KIFAP3: variants seen among roughly 807,000 people sequenced by gnomAD.
KIFAP3 encodes kinesin-associated protein 3.
In KIFAP3, 68 loss-of-function variants were observed where a neutral mutation model predicts 106.5. The ratio of observed to expected loss-of-function variants is 0.64; its 90% CI spans 0.53 to 0.78. KIFAP3 has a LOEUF of 0.78. KIFAP3 is among the 30% of genes least tolerant of loss of function. KIFAP3 has a pLI of 0.00. For synonymous variants in KIFAP3, 320 were observed against 311.5 expected (o/e 1.03, Z -0.29); for missense variants, 780 against 941.8 (o/e 0.83, Z 2.25).
At chr1:169,965,678 T>C (rs1030310202) in intron 17 of KIFAP3, among the ~76,000 whole-genome samples, 1 of 152,022 alleles carries the variant, frequency 6.6e-6, no homozygotes, top group Non-Finnish European at 1.5e-5. Context: ...TGTAAAAATG[T>C]GTAACAAAGA....
intron 18 of KIFAP3, among the ~76,000 whole-genome samples, chr1:169,957,658 C>T (rs932842058): frequency 5.3e-5 from 8 of 151,800 alleles, no homozygotes; most frequent in African/African-American, 1.2e-4. Flanking sequence ...GATGGAGTCT[C>T]GCTTTGTTGC....
intron 9 of KIFAP3, among the ~76,000 whole-genome samples, chr1:170,017,623 G>A (rs1350100230): frequency 6.6e-6 from 1 of 152,194 alleles, no homozygotes; most frequent in Non-Finnish European, 1.5e-5. Context: ...TTTTAATGCT[G>A]TACTAAGAAG....
chr1:170,023,683 T>C (rs1668968566), intron 9 of KIFAP3, among the ~76,000 whole-genome samples: 1 of 152,086 alleles, frequency 6.6e-6, no homozygotes, highest in South Asian at 2.1e-4. Context: ...CAAAGACTTT[T>C]TAATGACATG....
At chr1:169,956,276 A>G (rs1486716746) in intron 18 of KIFAP3, among the ~76,000 whole-genome samples, 1 of 152,172 alleles carries the variant, frequency 6.6e-6, no homozygotes, top group Non-Finnish European at 1.5e-5. Flanking sequence ...AAATGAAAAG[A>G]TATGTGAATT....
chr1:170,061,536 G>T (rs1403283731), intron 1 of KIFAP3, among the ~76,000 whole-genome samples: 3 of 152,186 alleles, frequency 2.0e-5, no homozygotes, highest in Admixed American at 2.0e-4. Context: ...AGGATGTGGA[G>T]AAATAGGAAC....
At chr1:169,944,554 C>G (rs1393908703) in intron 19 of KIFAP3, among the ~76,000 whole-genome samples, 2 of 152,162 alleles carry the variant, frequency 1.3e-5, no homozygotes, top group Non-Finnish European at 2.9e-5. Context: ...TGTGTTACAG[C>G]TCTTTGAGTC....
At chr1:170,053,180 A>C (rs1445040174) in intron 2 of KIFAP3, among the ~76,000 whole-genome samples, 1 of 152,236 alleles carries the variant, frequency 6.6e-6, no homozygotes, top group East Asian at 1.9e-4. Flanking sequence ...AAAAATCACA[A>C]GCATTCCTAT....
At position 170,024,614 on chromosome 1, in the gene KIFAP3, A is replaced by G; in HGVS notation, c.842-18T>C. On this transcript the variant is annotated intron_variant, in intron 8 of 19. Coordinates refer to ENST00000361580, the MANE Select transcript of KIFAP3 (RefSeq NM_014970.4). ...AAGAGCAACTAGAAAAGTAAAATAT[A>G]TGAGAGATAAAGAATTAGTATACTG... 1 of 1,448,950 alleles carries G rather than the reference A, an allele frequency of 6.9e-7. No homozygotes were observed. The highest frequency in any genetic ancestry group is 9.3e-7 in the Non-Finnish European group (1 of 1,073,608). The allele number at this position is 1,448,950 out of a possible 1,614,324, so 89.8% of individuals were successfully genotyped here.
intron 17 of KIFAP3, among the ~76,000 whole-genome samples, chr1:169,961,831 T>C (rs1665353497): frequency 6.6e-6 from 1 of 152,196 alleles, no homozygotes; most frequent in Non-Finnish European, 1.5e-5. Flanking sequence ...ATACAGTATA[T>C]AATACATATA....
chr1:169,921,402 C>T lies in KIFAP3; in HGVS notation c.*274G>A. ...CATACATAATGCAGTGTTTGTTTTCCAGTCTAGTAGCTTTTCAGCATTCAG... is the reference window on the plus strand; with the variant it reads ...CATACATAATGCAGTGTTTGTTTTCTAGTCTAGTAGCTTTTCAGCATTCAG... On this transcript the variant is annotated 3_prime_UTR_variant, in exon 20 of 20. Transcript: ENST00000361580. 5 of 255,168 alleles carry T rather than the reference C, an allele frequency of 2.0e-5. No individual in the cohort carries two copies. The highest frequency in any genetic ancestry group is 9.8e-5 in the South Asian group (1 of 10,222). The allele number at this position is 255,168 out of a possible 1,614,324, so 15.8% of individuals were successfully genotyped here.
intron 1 of KIFAP3, 62 bp downstream of exon 1, chr1:170,074,374 A>G (rs1186249222): frequency 3.8e-6 from 6 of 1,590,992 alleles, no homozygotes; most frequent in Non-Finnish European, 5.2e-6. Flanking sequence ...CTCACAGCCA[A>G]CCCAAGAACA....
At chr1:170,037,282 T>G (rs1669739627) in intron 5 of KIFAP3, among the ~76,000 whole-genome samples, 1 of 152,250 alleles carries the variant, frequency 6.6e-6, no homozygotes, top group Non-Finnish European at 1.5e-5. Flanking sequence ...TTGAAAGTAC[T>G]GATCGACAAA....
intron 1 of KIFAP3, among the ~76,000 whole-genome samples, chr1:170,067,203 T>C (rs540015187): frequency 2.6e-4 from 40 of 152,206 alleles, no homozygotes; most frequent in African/African-American, 8.9e-4. Flanking sequence ...AATTCAGCAA[T>C]GCATACTGAG....
chr1:170,060,467 C>A (rs1042922014), intron 1 of KIFAP3, among the ~76,000 whole-genome samples: 5 of 152,088 alleles, frequency 3.3e-5, no homozygotes, highest in Non-Finnish European at 5.9e-5. Flanking sequence ...ATGTGAAGGA[C>A]CTCTTCAAGG....
intron 19 of KIFAP3, among the ~76,000 whole-genome samples, chr1:169,925,659 G>A (rs1024570825): frequency 9.9e-5 from 15 of 152,162 alleles, no homozygotes; most frequent in African/African-American, 2.9e-4. Flanking sequence ...GAAATGACAA[G>A]TGATGCTTCA....
chr1:169,975,147 A>G (rs916284753), intron 16 of KIFAP3, among the ~76,000 whole-genome samples: 5 of 152,130 alleles, frequency 3.3e-5, no homozygotes, highest in African/African-American at 1.2e-4. Context: ...GGATGGTTAA[A>G]TCAGCAGATG....
chr1:170,003,619 T>A (rs1667779772), intron 10 of KIFAP3, among the ~76,000 whole-genome samples: 2 of 152,122 alleles, frequency 1.3e-5, no homozygotes, highest in African/African-American at 4.8e-5. Context: ...GTTTGTGCCC[T>A]GCCCCCAGAG....
intron 3 of KIFAP3, chr1:170,041,786 T>C: frequency 6.5e-7 from 1 of 1,529,128 alleles, no homozygotes; most frequent in Non-Finnish European, 8.8e-7. Flanking sequence ...CCTGATCTGT[T>C]GGCCTCCTTA....
intron 19 of KIFAP3, among the ~76,000 whole-genome samples, chr1:169,925,228 G>A (rs574717572): frequency 3.0e-4 from 46 of 151,724 alleles, no homozygotes; most frequent in African/African-American, 1.0e-3. Context: ...TTTTTCCTTC[G>A]TATTCAGATA....
Sources: gnomAD v4.1 joint callset for allele counts (sites outside exome capture counted in the v4.1 genomes callset) on GRCh38, gnomAD v4.1.1 for gene constraint, MANE v1.5 for transcripts, NCBI Gene and HGNC (gene_info 2026-07-23, HGNC 2026-07-21) for gene names.